The following TANC2 variants were observed in gnomAD, a reference collection of about 807,000 sequenced individuals.
TANC2 encodes the protein tetratricopeptide repeat, ankyrin repeat and coiled-coil containing 2.
TANC2 carries 26 observed loss-of-function variants against 210.5 expected under a neutral mutation model. That is an observed-to-expected ratio of 0.12 (90% CI 0.09 to 0.17). The LOEUF (loss-of-function observed/expected upper bound fraction) is 0.17. Among genes scored for constraint, TANC2 ranks in the 10% least tolerant of loss-of-function variants. TANC2 has a pLI of 1.00. For missense variants in TANC2, 2,129 were observed against 2,608.9 expected, an observed-to-expected ratio of 0.82 and a Z score of 4.01; for synonymous variants, 931 against 967.1, an observed-to-expected ratio of 0.96 and a Z score of 0.69.
chr17:62,984,532 C>T (rs182821774), intron 1 of TANC2, among the ~76,000 whole-genome samples: 15 of 151,858 alleles, frequency 9.9e-5, no homozygotes, highest in Admixed American at 5.9e-4. Flanking sequence ...TTTCTAGTTC[C>T]TTTGAGATGC....
intron 17 of TANC2, among the ~76,000 whole-genome samples, chr17:63,394,825 C>T (rs1370326071): frequency 6.6e-6 from 1 of 152,164 alleles, no homozygotes; most frequent in Admixed American, 6.5e-5. Flanking sequence ...TCACATTGGT[C>T]ACATCTCCCC....
At chr17:63,319,908 C>G (rs2045441152) in intron 11 of TANC2, among the ~76,000 whole-genome samples, 1 of 152,184 alleles carries the variant, frequency 6.6e-6, no homozygotes, top group South Asian at 2.1e-4. Context: ...GGAAGTTTCT[C>G]TGATTTTCAC....
chr17:63,224,599 A>G (rs189557500), intron 7 of TANC2, among the ~76,000 whole-genome samples: 3 of 152,278 alleles, frequency 2.0e-5, no homozygotes, highest in East Asian at 1.9e-4. Context: ...CGTGCTGCCA[A>G]CTGGCCTCTG....
rs550952516 is a variant in TANC2 at position 63,420,201 on chromosome 17, G to A, written c.4471G>A (p.Val1491Ile). 17 of 1,601,678 alleles carry A rather than the reference G, an allele frequency of 1.1e-5. No individual in the cohort carries two copies. In the South Asian group the frequency reaches 1.9e-4, roughly 18 times the overall value. The change falls in exon 28 of 28, where the codon GTA becomes ATA. Residue 1491 changes from valine to isoleucine, a missense_variant. By Grantham distance (29) the Val-to-Ile change is conservative (BLOSUM62 3). Coordinates refer to ENST00000689528, the Ensembl canonical transcript of TANC2. The surrounding 1 kb of genome is among the most constrained non-coding windows in gnomAD (Gnocchi z 4.2). Reference sequence around the variant, plus strand: ...GCCACAGCATGAAGACATATACTCTGTACAGGATATATTCGAGGAGGAGTA... The same window carrying A: ...GCCACAGCATGAAGACATATACTCTATACAGGATATATTCGAGGAGGAGTA...
chr17:63,380,912 C>T (rs1202139721), intron 15 of TANC2, among the ~76,000 whole-genome samples: 3 of 152,304 alleles, frequency 2.0e-5, no homozygotes, highest in African/African-American at 7.2e-5. Flanking sequence ...AATGACCTTA[C>T]TTAGTAGGAG....
intron 1 of TANC2, among the ~76,000 whole-genome samples, chr17:62,979,881 C>A (rs1462592080): frequency 6.6e-6 from 1 of 152,150 alleles, no homozygotes; most frequent in African/African-American, 2.4e-5. Context: ...CACTGCAACT[C>A]CAGCATGGGC....
At chr17:63,131,281 G>A (rs1026984371) in intron 4 of TANC2, among the ~76,000 whole-genome samples, 20 of 152,150 alleles carry the variant, frequency 1.3e-4, no homozygotes, top group African/African-American at 4.6e-4. Flanking sequence ...ACATCAGTAT[G>A]CAAACTAAAA....
intron 11 of TANC2, among the ~76,000 whole-genome samples, chr17:63,322,358 C>T (rs1358002988): frequency 1.3e-5 from 2 of 151,958 alleles, no homozygotes; most frequent in Admixed American, 1.3e-4. Flanking sequence ...ATTAGCCGGG[C>T]GTGGTGGCGG....
intron 8 of TANC2, among the ~76,000 whole-genome samples, chr17:63,245,842 CA>C (rs60766720): frequency 0.017 from 1,543 of 91,330 alleles, 21 homozygotes; most frequent in African/African-American, 0.047. Flanking sequence ...GACTCCTTAT[CA>C]AAAAAAAAAA....
At chr17:63,234,191 C>T (rs1037741629) in intron 7 of TANC2, among the ~76,000 whole-genome samples, 1 of 152,102 alleles carries the variant, frequency 6.6e-6, no homozygotes, top group Admixed American at 6.6e-5. Flanking sequence ...ATTCCCCTAC[C>T]ACAAATATAA....
chr17:63,249,916 T>C (rs1465487657), intron 8 of TANC2, among the ~76,000 whole-genome samples: 1 of 152,180 alleles, frequency 6.6e-6, no homozygotes, highest in African/African-American at 2.4e-5. Flanking sequence ...ATTCAAACTG[T>C]CTTCCAAACT....
chr17:63,286,890 A>G (rs1198214252), intron 9 of TANC2, among the ~76,000 whole-genome samples: 1 of 151,600 alleles, frequency 6.6e-6, no homozygotes, highest in Non-Finnish European at 1.5e-5. Context: ...TATCTAGTGT[A>G]TTTTTCACTT....
At chr17:63,080,847 C>G (rs896523300) in intron 3 of TANC2, among the ~76,000 whole-genome samples, 1 of 151,834 alleles carries the variant, frequency 6.6e-6, no homozygotes, top group African/African-American at 2.4e-5. Context: ...TGAATAAGAC[C>G]GTTCTGTTTA....
chr17:63,094,363 A>T (rs1025349227), intron 3 of TANC2, among the ~76,000 whole-genome samples: 2 of 152,166 alleles, frequency 1.3e-5, no homozygotes, highest in Non-Finnish European at 2.9e-5. Flanking sequence ...TGCTTCTGTT[A>T]CATAATGCAA....
intron 9 of TANC2, among the ~76,000 whole-genome samples, chr17:63,310,646 CAAAA>C (rs1224381658): frequency 6.6e-6 from 1 of 152,100 alleles, no homozygotes; most frequent in African/African-American, 2.4e-5. Context: ...AGGCAATTCA[CAAAA>C]GAATTCAGAT....
chr17:63,176,080 G>A lies in TANC2; in HGVS notation c.434-17911G>A, dbSNP rs118094873. 2.4e-4 allele frequency among the ~76,000 whole-genome samples: 37 copies of A among 152,312 alleles called. 1 individual carries two copies. In the East Asian group the frequency reaches 7.1e-3, roughly 29 times the overall value. ...TGTTGGCGAGAATATGGAGGAACAG[G>A]AACTCTCATGCACAGCCTGGGAGAG... On this transcript the variant is annotated intron_variant, in intron 5 of 27. Coordinates refer to ENST00000689528, the Ensembl canonical transcript of TANC2.
At chr17:63,320,748 A>G (rs754159395) in intron 11 of TANC2, among the ~76,000 whole-genome samples, 1 of 151,982 alleles carries the variant, frequency 6.6e-6, no homozygotes, top group African/African-American at 2.4e-5. Context: ...AATCCTTTTT[A>G]TCACCATTGT....
chr17:63,248,495 A>G (rs971163158), intron 8 of TANC2, among the ~76,000 whole-genome samples: 1 of 152,072 alleles, frequency 6.6e-6, no homozygotes, highest in African/African-American at 2.4e-5. Flanking sequence ...TATTTTAGAG[A>G]CCAAATGATG....
At chr17:63,375,002 C>T (rs1231097988) in intron 14 of TANC2, among the ~76,000 whole-genome samples, 1 of 151,560 alleles carries the variant, frequency 6.6e-6, no homozygotes. Flanking sequence ...GAGTAACTGG[C>T]AATATTTAAA....
Sources: gnomAD v4.1 joint callset for allele counts (sites outside exome capture counted in the v4.1 genomes callset) on GRCh38, gnomAD v4.1.1 for gene constraint, Gnocchi (gnomAD v3.1) non-coding constraint, MANE v1.5 for transcripts, NCBI Gene and HGNC (gene_info 2026-07-23, HGNC 2026-07-21) for gene names.